The following FCHO2 variants were observed in gnomAD, a reference collection of about 807,000 sequenced individuals.
FCHO2 encodes the protein FCH and mu domain containing endocytic adaptor 2.
A neutral mutation model predicts 114.1 loss-of-function variants in FCHO2; 43 were observed. That is an observed-to-expected ratio of 0.38 (90% CI 0.30 to 0.49). The LOEUF (loss-of-function observed/expected upper bound fraction) is 0.49. Ranked by LOEUF, FCHO2 falls within the 20% of genes least tolerant of loss-of-function variation. The probability of loss-of-function intolerance (pLI) is 0.97; values close to 1 mark genes in which losing one functional copy is unlikely to be tolerated. For synonymous variants in FCHO2, 293 were observed against 315.2 expected (o/e 0.93, Z 0.75); for missense variants, 807 against 950.4 (o/e 0.85, Z 1.98).
Position 73,063,900 on chromosome 5 carries a change from AG to A in FCHO2, c.1406del (p.Arg469AsnfsTer23). 6.2e-7 allele frequency: 1 copy of A among 1,612,034 alleles called. No individual in the cohort carries two copies. Among genetic ancestry groups the A allele is most frequent in the Non-Finnish European group, 8.5e-7 (1 of 1,178,874 alleles). ...TIVPPPRPAS[R>X]PKLTSGKLSG... is the part of the protein sequence containing the mutation. The stretch of plus-strand genomic sequence containing the variant: ...TGTCCCACCTCCGAGGCCTGCTTCC[AG>A]ACCAAAGCTTACTTCAGGCAAACTC... On this transcript the variant is annotated frameshift_variant, in exon 18 of 26. Coordinates refer to ENST00000430046, the MANE Select transcript of FCHO2 (RefSeq NM_138782.3). LOFTEE classifies it high-confidence loss of function.
chr5:73,048,499 A>G (rs1417663670), intron 11 of FCHO2, among the ~76,000 whole-genome samples: 3 of 152,218 alleles, frequency 2.0e-5, no homozygotes, highest in Non-Finnish European at 4.4e-5. Context: ...GGTTGAATAC[A>G]TGCAAATACT....
At chr5:72,981,671 T>A (rs1480811333) in intron 2 of FCHO2, among the ~76,000 whole-genome samples, 1 of 152,258 alleles carries the variant, frequency 6.6e-6, no homozygotes, top group Non-Finnish European at 1.5e-5. Context: ...CTAATTCTTG[T>A]CTTCATGCTT....
intron 18 of FCHO2, among the ~76,000 whole-genome samples, chr5:73,064,419 T>C (rs770455945): frequency 6.6e-6 from 1 of 152,044 alleles, no homozygotes; most frequent in Non-Finnish European, 1.5e-5. Context: ...GGAAAAGCAT[T>C]GGTTTTTAAA....
intron 7 of FCHO2, 91 bp from the exon 8 acceptor site, chr5:73,017,121 A>G (rs2112745652): frequency 4.1e-6 from 3 of 730,826 alleles, no homozygotes; most frequent in South Asian, 2.7e-5. Context: ...ATATTTTGAT[A>G]TAATTAATTT....
At chr5:73,006,986 G>A (rs888600749) in intron 6 of FCHO2, among the ~76,000 whole-genome samples, 77 of 152,194 alleles carry the variant, frequency 5.1e-4, no homozygotes, top group Non-Finnish European at 1.9e-4. Flanking sequence ...TATATTTGGT[G>A]TAGTGTTCTT....
intron 1 of FCHO2, among the ~76,000 whole-genome samples, chr5:72,962,472 G>A (rs1478231536): frequency 6.6e-6 from 1 of 152,126 alleles, no homozygotes; most frequent in African/African-American, 2.4e-5. Flanking sequence ...CCATCCTGAT[G>A]TCATAATTCT....
chr5:73,078,070 C>T, intron 21 of FCHO2, 110 bp from the exon 22 acceptor site: 1 of 758,694 alleles, frequency 1.3e-6, no homozygotes, highest in Non-Finnish European at 1.9e-6. Context: ...TCCTTCATCC[C>T]ACCTCTTGGT....
chr5:73,021,404 T>TA (rs1755617566), intron 8 of FCHO2: 1 of 291,746 alleles, frequency 3.4e-6, no homozygotes, highest in African/African-American at 2.2e-5. Context: ...CTTTTACTCC[T>TA]ATTCAAGTAC....
At chr5:73,014,713 G>C (rs1173169281) in intron 6 of FCHO2, among the ~76,000 whole-genome samples, 1 of 151,608 alleles carries the variant, frequency 6.6e-6, no homozygotes, top group African/African-American at 2.4e-5. Flanking sequence ...AAAACTCTTT[G>C]TTTTTTTTGT....
At chr5:73,000,494 A>G (rs954278684) in intron 5 of FCHO2, among the ~76,000 whole-genome samples, 1 of 134,378 alleles carries the variant, frequency 7.4e-6, no homozygotes, top group Admixed American at 7.3e-5. Flanking sequence ...AAAAAAAAAA[A>G]GCTGGGGGCA....
intron 1 of FCHO2, among the ~76,000 whole-genome samples, chr5:72,964,695 A>G (rs2112591703): frequency 1.3e-5 from 2 of 152,268 alleles, no homozygotes; most frequent in South Asian, 2.1e-4. Flanking sequence ...AGCATTCTAT[A>G]TATTTTAGTC....
chr5:73,053,275 C>A (rs113764810), intron 13 of FCHO2, among the ~76,000 whole-genome samples: 2,029 of 152,254 alleles, frequency 0.013, 57 homozygotes, highest in African/African-American at 0.046. Context: ...TTCTCCCAGT[C>A]ATGTACTTCA....
chr5:73,026,409 G>A (rs1275133165), intron 8 of FCHO2, among the ~76,000 whole-genome samples: 1 of 151,946 alleles, frequency 6.6e-6, no homozygotes, highest in Non-Finnish European at 1.5e-5. Context: ...GGCGGAGGTT[G>A]CCATGAGCCG....
At chr5:72,975,900 A>G (rs575597374) in intron 2 of FCHO2, among the ~76,000 whole-genome samples, 2 of 152,294 alleles carry the variant, frequency 1.3e-5, no homozygotes, top group African/African-American at 2.4e-5. Context: ...GTTGCTTCCA[A>G]GTTTTGGCAA....
rs945791128 is a variant in FCHO2, at chr5:73,089,013, T to C, written c.*923T>C. 4.6e-5 allele frequency: 7 copies of C among 152,550 alleles called. No homozygotes were observed. Among genetic ancestry groups the C allele is most frequent in the African/African-American group, 1.7e-4 (7 of 41,428 alleles). The allele number at this position is 152,550 out of a possible 1,614,324, so 9.4% of individuals were successfully genotyped here. Reference sequence around the variant, plus strand: ...TTTGTAAATATTTTTGGCCTGCAACTGGGAAGGGGATTCAGAGTCATAAAG... The same window carrying C: ...TTTGTAAATATTTTTGGCCTGCAACCGGGAAGGGGATTCAGAGTCATAAAG... On this transcript the variant is annotated 3_prime_UTR_variant, in exon 26 of 26. Coordinates refer to ENST00000430046, the MANE Select transcript of FCHO2 (RefSeq NM_138782.3).
chr5:72,974,693 G>A (rs1267996324), intron 2 of FCHO2, among the ~76,000 whole-genome samples: 1 of 152,070 alleles, frequency 6.6e-6, no homozygotes, highest in Non-Finnish European at 1.5e-5. Flanking sequence ...GGAGCATTTA[G>A]TCCATTTACA....
At chr5:72,964,188 T>G (rs188035334) in intron 1 of FCHO2, among the ~76,000 whole-genome samples, 149 of 152,280 alleles carry the variant, frequency 9.8e-4, no homozygotes, top group Non-Finnish European at 1.8e-3. Flanking sequence ...TAATATTTAT[T>G]TAGATAGCTT....
intron 2 of FCHO2, among the ~76,000 whole-genome samples, chr5:72,984,833 A>G (rs746419618): frequency 4.6e-5 from 7 of 151,946 alleles, no homozygotes; most frequent in African/African-American, 7.3e-5. Context: ...ATGAGGGTTC[A>G]CCAGGTTGCC....
chr5:72,960,130 A>G (rs1435269457), intron 1 of FCHO2, among the ~76,000 whole-genome samples: 3 of 152,214 alleles, frequency 2.0e-5, no homozygotes, highest in African/African-American at 7.2e-5. Flanking sequence ...TCTCCCCTAC[A>G]TGTATAAAGA....
Sources: gnomAD v4.1 joint callset for allele counts (sites outside exome capture counted in the v4.1 genomes callset) on GRCh38, gnomAD v4.1.1 for gene constraint, MANE v1.5 for transcripts, NCBI Gene and HGNC (gene_info 2026-07-23, HGNC 2026-07-21) for gene names.